The following SPHKAP variants were observed in gnomAD, a reference collection of about 807,000 sequenced individuals.
SPHKAP encodes the protein SPHK1 interactor, AKAP domain containing, also known as A-kinase anchor protein SPHKAP.
In SPHKAP, 67 loss-of-function variants were observed where a neutral mutation model predicts 137.5. That is an observed-to-expected ratio of 0.49 (90% confidence interval 0.40 to 0.60). The LOEUF (loss-of-function observed/expected upper bound fraction) is 0.60, where lower values mean the gene tolerates loss of function less well. SPHKAP is among the 20% of genes least tolerant of loss of function. SPHKAP has a pLI of 0.00. For missense variants in SPHKAP, 2,097 were observed against 2,069.3 expected, an observed-to-expected ratio of 1.01 and a Z score of -0.26; for synonymous variants, 813 against 785.3, an observed-to-expected ratio of 1.04 and a Z score of -0.59.
intron 5 of SPHKAP, among the ~76,000 whole-genome samples, chr2:228,024,643 T>C (rs1694965928): frequency 6.6e-6 from 1 of 152,106 alleles, no homozygotes; most frequent in Admixed American, 6.6e-5. Context: ...ACTTTAAAAA[T>C]TGACAGTGAA....
chr2:227,990,152 G>A (rs757961848), intron 11 of SPHKAP, among the ~76,000 whole-genome samples: 2 of 152,102 alleles, frequency 1.3e-5, no homozygotes, highest in African/African-American at 4.8e-5. Flanking sequence ...TCTCTTCCCC[G>A]GAACTTTTGG....
In SPHKAP at chr2:228,016,708, G is replaced by C. The variant is rs1182197760; in HGVS notation, c.4146C>G (p.Pro1382=). 6.2e-7 allele frequency: 1 copy of C among 1,614,034 alleles called. No individual in the cohort carries two copies. The highest frequency in any genetic ancestry group is 8.5e-7 in the Non-Finnish European group (1 of 1,180,014). Residue 1382 remains proline, a synonymous_variant, in exon 7 of 12, where the codon CCC becomes CCG. Transcript: ENST00000392056. ...CAGTTTTGCTCAAAGATGACACTGG[G>C]GGCTGTTTACATTCGGTAACAGAGT... ...RKDSVTECKQ[P]PVSSLSKTAS...
intron 1 of SPHKAP, among the ~76,000 whole-genome samples, chr2:228,140,378 G>A (rs567272661): frequency 6.0e-4 from 91 of 152,070 alleles, no homozygotes; most frequent in African/African-American, 1.9e-3. Context: ...GTATGTTACC[G>A]TAATTGCTTC....
At chr2:227,994,903 T>C (rs1479457804) in intron 8 of SPHKAP, among the ~76,000 whole-genome samples, 1 of 152,178 alleles carries the variant, frequency 6.6e-6, no homozygotes, top group Non-Finnish European at 1.5e-5. Context: ...AAGTTTGTGG[T>C]TCAGTATCAA....
chr2:227,999,692 A>G (rs1054968902), intron 7 of SPHKAP, among the ~76,000 whole-genome samples: 3 of 152,242 alleles, frequency 2.0e-5, no homozygotes, highest in African/African-American at 7.2e-5. Context: ...CTCACATTCC[A>G]TGTCACATAA....
Position 228,097,811 on chromosome 2 carries a change from A to G in SPHKAP, c.246+11021T>C, listed in dbSNP as rs968404650. 8.5e-5 allele frequency among the ~76,000 whole-genome samples: 13 copies of G among 152,268 alleles called. No homozygotes were observed. In the South Asian group the frequency reaches 1.5e-3, roughly 17 times the overall value. On this transcript the variant is annotated intron_variant, in intron 3 of 11. Coordinates refer to ENST00000392056, the MANE Select transcript of SPHKAP (RefSeq NM_001142644.2). ...TATATCTGTATCTGCAAAGAACATGATTTTATTCCTTTTATAGCTGTGTAG... is the reference window on the plus strand; with the variant it reads ...TATATCTGTATCTGCAAAGAACATGGTTTTATTCCTTTTATAGCTGTGTAG...
At chr2:228,002,978 G>GT (rs201038542) in intron 7 of SPHKAP, among the ~76,000 whole-genome samples, 14,458 of 152,216 alleles carry the variant, frequency 0.095, 768 homozygotes, top group Middle Eastern at 0.21. Context: ...TAGCCTTGTA[G>GT]TATAGTTTGA....
At chr2:227,984,099 G>C (rs1693113457) in intron 11 of SPHKAP, among the ~76,000 whole-genome samples, 1 of 152,028 alleles carries the variant, frequency 6.6e-6, no homozygotes, top group Non-Finnish European at 1.5e-5. Context: ...AGGAATTCGA[G>C]ACCAGCCTGA....
chr2:228,062,632 T>C (rs1696691210), intron 3 of SPHKAP, among the ~76,000 whole-genome samples: 1 of 152,020 alleles, frequency 6.6e-6, no homozygotes, highest in Admixed American at 6.6e-5. Flanking sequence ...GCCAAAGCTG[T>C]GTATTTAAAA....
At chr2:228,027,397 C>T in intron 4 of SPHKAP, 87 bp downstream of exon 4, 1 of 1,345,996 alleles carries the variant, frequency 7.4e-7, no homozygotes, top group Non-Finnish European at 1.1e-6. Context: ...TAAAGAGTCT[C>T]CTACAAAATG....
rs768333762 is a variant in SPHKAP at position 228,021,918 on chromosome 2, T to A, written c.490A>T (p.Arg164Ter). ...ICLVQCARGN[R>*]PNSTNCIIFE... ...ATGATGCAGTTGGTACTGTTTGGTC[T>A]GTTCCCTCTTGCACATTGGACCAAG... is the stretch of plus-strand genomic sequence containing the variant. Residue 164 changes from arginine (R) to a stop codon, truncating the protein, a stop_gained, in exon 6 of 12, where the codon AGA (arginine) becomes TGA (stop). Transcript: ENST00000392056. LOFTEE classifies it high-confidence loss of function. The A allele has an allele frequency of 1.2e-6, 2 of 1,613,908 alleles. No homozygotes were observed.
At chr2:228,025,259 T>C in intron 5 of SPHKAP, 135 bp downstream of exon 5, 1 of 972,384 alleles carries the variant, frequency 1.0e-6, no homozygotes, top group Non-Finnish European at 1.4e-6. Context: ...AAATGCAGAC[T>C]TTTCTCAAAT....
chr2:228,154,506 C>CTATATA lies in SPHKAP; in HGVS notation c.33-22422_33-22421insTATATA, dbSNP rs1397617929. Among the ~76,000 whole-genome samples, 159 of 29,848 alleles carry CTATATA rather than the reference C, an allele frequency of 5.3e-3. 1 individual carries two copies. Among genetic ancestry groups the CTATATA allele is most frequent in the African/African-American group, 9.5e-3 (84 of 8,848 alleles). 19.6% of individuals were successfully genotyped at this position (29,848 alleles called of 152,430 possible). Reference sequence around the variant, plus strand: ...ACTCTCTCTCTCTCTCTCTCTCTCTCTCTCTCTATATATATATATATATAT... The same window carrying CTATATA: ...ACTCTCTCTCTCTCTCTCTCTCTCTCTATATATCTCTCTATATATATATATATATAT... On this transcript the variant is annotated intron_variant, in intron 1 of 11. Transcript: ENST00000392056.
intron 1 of SPHKAP, among the ~76,000 whole-genome samples, chr2:228,141,646 T>C (rs1002091608): frequency 2.0e-5 from 3 of 149,430 alleles, no homozygotes; most frequent in African/African-American, 4.8e-5. Flanking sequence ...AAAGGCTTTT[T>C]TTAAATCCAA....
chr2:228,086,447 C>T (rs531764400), intron 3 of SPHKAP, among the ~76,000 whole-genome samples: 28 of 152,220 alleles, frequency 1.8e-4, no homozygotes, highest in African/African-American at 6.3e-4. Context: ...GCAGAGGCTA[C>T]TCACATTTCT....
At chr2:228,115,101 C>T (rs1372752195) in intron 2 of SPHKAP, among the ~76,000 whole-genome samples, 4 of 152,072 alleles carry the variant, frequency 2.6e-5, no homozygotes, top group African/African-American at 9.7e-5. Flanking sequence ...ACCCAGGTGC[C>T]ATAAATATAA....
intron 7 of SPHKAP, chr2:227,996,060 G>T: frequency 1.0e-6 from 1 of 983,914 alleles, no homozygotes; most frequent in Non-Finnish European, 1.2e-6. Flanking sequence ...TTTCTGGAAG[G>T]AGGTCCACAA....
intron 1 of SPHKAP, among the ~76,000 whole-genome samples, chr2:228,142,757 T>C (rs943666507): frequency 2.6e-5 from 4 of 152,132 alleles, no homozygotes; most frequent in African/African-American, 9.7e-5. Flanking sequence ...GTACTGGGCT[T>C]AATATCTGAG....
At chr2:228,001,814 G>A (rs1693917220) in intron 7 of SPHKAP, among the ~76,000 whole-genome samples, 2 of 152,016 alleles carry the variant, frequency 1.3e-5, no homozygotes, top group Admixed American at 1.3e-4. Flanking sequence ...GTGAGAACGT[G>A]AAGTGTTTGG....
Sources: gnomAD v4.1 joint callset for allele counts (sites outside exome capture counted in the v4.1 genomes callset) on GRCh38, gnomAD v4.1.1 for gene constraint, MANE v1.5 for transcripts, NCBI Gene and HGNC (gene_info 2026-07-23, HGNC 2026-07-21) for gene names.